Variants in PCSK4 observed in about 807,000 individuals in gnomAD.
PCSK4 encodes proprotein convertase subtilisin/kexin type 4.
PCSK4 carries 64 observed loss-of-function variants against 80.3 expected under a neutral mutation model. The observed-to-expected ratio is 0.80, with a 90% CI of 0.65 to 0.98. PCSK4 has a LOEUF of 0.98. PCSK4 is among the 50% of genes least tolerant of loss of function. PCSK4 has a pLI of 0.00. For synonymous variants in PCSK4, 561 were observed against 487.6 expected (o/e 1.15, Z -1.98); for missense variants, 1,213 against 1,093.6 (o/e 1.11, Z -1.54).
At position 1,483,768 on chromosome 19, in the gene PCSK4, C is replaced by A; in HGVS notation, c.1274-1G>T. On this transcript the variant is annotated splice_acceptor_variant, in intron 10 of 14. Coordinates refer to ENST00000300954, the Ensembl canonical transcript of PCSK4. LOFTEE classifies it high-confidence loss of function. The stretch of plus-strand genomic sequence containing the variant: ...AGCCCGTATCCGTAGTGATGGCTCA[C>A]TGCGCGGAAGGGCAGCAGTCACTCG... 1 of 1,582,508 alleles carries A rather than the reference C, an allele frequency of 6.3e-7. No homozygotes were observed.
exon 1 of PCSK4, chr19:1,490,202 C>T (rs2084872806): frequency 6.2e-7 from 1 of 1,613,468 alleles, no homozygotes; most frequent in South Asian, 1.1e-5. Flanking sequence ...AGGCGCTCGA[C>T]CTCCCGGTTA....
chr19:1,481,964 G>A, exon 15 of PCSK4: 3 of 1,595,568 alleles, frequency 1.9e-6, no homozygotes, highest in East Asian at 2.2e-5. Flanking sequence ...GCTGTCGGGG[G>A]TGGTGGGTCC....
chr19:1,485,298 G>A (rs754824629), intron 8 of PCSK4, among the ~76,000 whole-genome samples: 24 of 151,734 alleles, frequency 1.6e-4, no homozygotes, highest in Non-Finnish European at 2.4e-4. Flanking sequence ...GCATGGTGGC[G>A]TGGCCTGCTA....
exon 12 of PCSK4, chr19:1,483,307 C>T (rs1236505433): frequency 2.5e-6 from 4 of 1,605,208 alleles, no homozygotes; most frequent in African/African-American, 1.3e-5. Context: ...GTGTGGAGCG[C>T]GTGCCCATGG....
chr19:1,482,094 C>T (rs1410862797), exon 15 of PCSK4: 10 of 1,549,706 alleles, frequency 6.5e-6, no homozygotes, highest in East Asian at 2.4e-5. Flanking sequence ...ACCCTCAGCG[C>T]GGGCGCCGCC....
chr19:1,483,302 G>A, exon 12 of PCSK4: 1 of 1,602,874 alleles, frequency 6.2e-7, no homozygotes, highest in Non-Finnish European at 8.5e-7. Context: ...CACGAGTGTG[G>A]AGCGCGTGCC....
In PCSK4 at chr19:1,484,074, G is replaced by GC. The variant is rs1383772054; in HGVS notation, c.1121_1122insG (p.Ser375LeufsTer157). 7 of 1,565,944 alleles carry GC rather than the reference G, an allele frequency of 4.5e-6. No individual in the cohort carries two copies. On this transcript the variant is annotated frameshift_variant, in exon 9 of 15. Transcript: ENST00000300954. LOFTEE classifies it high-confidence loss of function. The stretch of plus-strand genomic sequence containing the variant: ...TCATGCCGGCCGCCAGTGGGGCTGA[G>GC]GCCGAGGTGCCCGTGTGCTGGTCTG...
intron 2 of PCSK4, among the ~76,000 whole-genome samples, chr19:1,488,668 C>T (rs2084772183): frequency 6.6e-6 from 1 of 152,086 alleles, no homozygotes; most frequent in African/African-American, 2.4e-5. Flanking sequence ...GCAACCTCTG[C>T]CTCCTGGGTT....
At chr19:1,485,081 G>A (rs1455750445) in intron 8 of PCSK4, among the ~76,000 whole-genome samples, 1 of 152,084 alleles carries the variant, frequency 6.6e-6, no homozygotes, top group Non-Finnish European at 1.5e-5. Context: ...CTGGGAGGTA[G>A]AGGTTGCAGT....
exon 8 of PCSK4, chr19:1,487,060 G>T (rs767601485): frequency 1.5e-5 from 24 of 1,604,764 alleles, no homozygotes; most frequent in Non-Finnish European, 1.9e-5. Flanking sequence ...CCAGCCCGCC[G>T]CGGCCCTGGG....
chr19:1,482,084 A>C, exon 15 of PCSK4: 1 of 1,552,100 alleles, frequency 6.4e-7, no homozygotes, highest in Non-Finnish European at 8.7e-7. Flanking sequence ...GCTGGAGCAG[A>C]CCCTCAGCGC....
At chr19:1,489,728 T>C (rs1599254625) in intron 2 of PCSK4, 65 bp downstream of exon 2, 1 of 1,548,456 alleles carries the variant, frequency 6.5e-7, no homozygotes, top group Non-Finnish European at 8.7e-7. Context: ...CCACAGAAGA[T>C]GGCTGGTGGC....
chr19:1,482,114 G>A, exon 15 of PCSK4: 1 of 1,553,266 alleles, frequency 6.4e-7, no homozygotes, highest in Non-Finnish European at 8.7e-7. Flanking sequence ...CGTGTGCCCA[G>A]GCCCAGCGGT....
intron 2 of PCSK4, chr19:1,489,447 T>A (rs769073134): frequency 3.8e-6 from 1 of 265,560 alleles, no homozygotes; most frequent in Non-Finnish European, 7.3e-6. Flanking sequence ...CCTCCTACTC[T>A]TTGGAACCCA....
chr19:1,490,125 C>T (rs1169281826), intron 1 of PCSK4, 33 bp downstream of exon 1: 4 of 1,611,346 alleles, frequency 2.5e-6, no homozygotes, highest in Admixed American at 3.3e-5. Context: ...CCCCTCCAAG[C>T]CCCCACTTCC....
rs200036958 is a variant in PCSK4 at position 1,488,160 on chromosome 19, C to T, written c.387+28G>A. ...TTGAGGGCGCCAGCGGCCCCGTCCCCGTCTACCCACCCTGGCTGCCTGCTC... is the reference window on the plus strand; with the variant it reads ...TTGAGGGCGCCAGCGGCCCCGTCCCTGTCTACCCACCCTGGCTGCCTGCTC... On this transcript the variant is annotated intron_variant, in intron 3 of 14. Coordinates refer to ENST00000300954, the Ensembl canonical transcript of PCSK4. 1.1e-4 allele frequency: 185 copies of T among 1,613,422 alleles called. No individual in the cohort carries two copies. The Admixed American group carries it at 2.5e-3, about 22-fold the overall frequency.
At chr19:1,489,595 G>T (rs558807529) in intron 2 of PCSK4, 198 bp downstream of exon 2, 5 of 950,266 alleles carry the variant, frequency 5.3e-6, no homozygotes, top group Non-Finnish European at 7.6e-6. Context: ...CTGTGTACCA[G>T]GCCCTGGCAG....
At chr19:1,483,529 C>G in intron 11 of PCSK4, 66 bp from the exon 12 acceptor site, 1 of 1,426,172 alleles carries the variant, frequency 7.0e-7, no homozygotes, top group Non-Finnish European at 9.6e-7. Flanking sequence ...GGCCAGCAGG[C>G]GAGGTCGGGG....
exon 5 of PCSK4, chr19:1,487,809 C>A: frequency 1.9e-6 from 3 of 1,574,458 alleles, no homozygotes; most frequent in South Asian, 1.2e-5. Flanking sequence ...GGGGGTGTAG[C>A]GGGGCTGGGG....
Sources: gnomAD v4.1 joint callset for allele counts (sites outside exome capture counted in the v4.1 genomes callset) on GRCh38, gnomAD v4.1.1 for gene constraint, MANE v1.5 for transcripts, NCBI Gene and HGNC (gene_info 2026-07-23, HGNC 2026-07-21) for gene names.